LGALS4: variants seen among roughly 807,000 people sequenced by gnomAD.
LGALS4 encodes the protein galectin 4.
A neutral mutation model predicts 39.6 loss-of-function variants in LGALS4; 37 were observed. The observed-to-expected ratio is 0.93, with a 90% CI of 0.72 to 1.23. The LOEUF is 1.23. Ranked by LOEUF, LGALS4 falls within the 50% of genes most tolerant of loss-of-function variation. The probability of loss-of-function intolerance (pLI) is 0.00; values close to 1 mark genes in which losing one functional copy is unlikely to be tolerated. For missense variants in LGALS4, 397 were observed against 433.2 expected, an observed-to-expected ratio of 0.92 and a Z score of 0.74; for synonymous variants, 160 against 165.5, an observed-to-expected ratio of 0.97 and a Z score of 0.25.
chr19:38,803,963 G>A, intron 4 of LGALS4, 68 bp from the exon 5 acceptor site: 1 of 1,536,064 alleles, frequency 6.5e-7, no homozygotes, highest in Non-Finnish European at 8.8e-7. Flanking sequence ...GATGTCGAGA[G>A]TGCCTGCCCT....
chr19:38,802,530 T>C (rs1256129365), intron 7 of LGALS4, 126 bp from the exon 8 acceptor site: 1 of 696,830 alleles, frequency 1.4e-6, no homozygotes, highest in Non-Finnish European at 2.5e-6. Flanking sequence ...GGTCTTACTC[T>C]GTCACCCAGG....
At chr19:38,806,030 C>T (rs1971417667) in intron 4 of LGALS4, among the ~76,000 whole-genome samples, 1 of 151,956 alleles carries the variant, frequency 6.6e-6, no homozygotes, top group South Asian at 2.1e-4. Flanking sequence ...CAGAATCACA[C>T]CACTGTACTC....
chr19:38,802,380 G>T lies in LGALS4; in HGVS notation c.595C>A (p.Gln199Lys), dbSNP rs758791990. 6.2e-7 allele frequency: 1 copy of T among 1,614,176 alleles called. No homozygotes were observed. Among genetic ancestry groups the T allele is most frequent in the East Asian group, 2.2e-5 (1 of 44,888 alleles). The change falls in exon 8 of 10, where the codon CAA becomes AAA. Residue 199 changes from glutamine (Q) to lysine (K), a missense_variant. Physicochemically the swap from Gln to Lys is moderately conservative, Grantham distance 53. Transcript: ENST00000307751. Reference protein sequence around the residue: ...NPPVPYFGRLQGGLTARRTII... With the variant: ...NPPVPYFGRLKGGLTARRTII... ...GTTCTTCGAGCTGTGAGCCCTCCTT[G>T]CAGCCTCCCGAAATATGGCACAGGC... is the stretch of plus-strand genomic sequence containing the variant.
chr19:38,809,868 G>A (rs1971472423), intron 2 of LGALS4, among the ~76,000 whole-genome samples: 1 of 151,982 alleles, frequency 6.6e-6, no homozygotes, highest in Admixed American at 6.6e-5. Context: ...CCACGGGCCA[G>A]GCCCTGTCCT....
intron 4 of LGALS4, among the ~76,000 whole-genome samples, chr19:38,804,609 T>C (rs1347936541): frequency 1.3e-5 from 2 of 152,100 alleles, no homozygotes; most frequent in Admixed American, 1.3e-4. Context: ...TCCTTGTAAT[T>C]AACTCCATTC....
rs144216253 is a variant in LGALS4 at position 38,804,677 on chromosome 19, A to G, written c.475-782T>C. Among the ~76,000 whole-genome samples, 625 of 152,102 alleles carry G rather than the reference A, an allele frequency of 4.1e-3. 2 individuals carry two copies. The highest frequency in any genetic ancestry group is 0.014 in the African/African-American group (591 of 41,498). ...GAAGGCCTTTTAAAAGTAGCTTTATATAGCCGGGCGTGGTGGCAGGTGCCT... is the reference window on the plus strand; with the variant it reads ...GAAGGCCTTTTAAAAGTAGCTTTATGTAGCCGGGCGTGGTGGCAGGTGCCT... On this transcript the variant is annotated intron_variant, in intron 4 of 9. Transcript: ENST00000307751.
chr19:38,810,935 CTTG>C (rs1285512398), intron 2 of LGALS4, among the ~76,000 whole-genome samples: 1 of 139,232 alleles, frequency 7.2e-6, no homozygotes, highest in African/African-American at 2.7e-5. Flanking sequence ...GAGTCTCACT[CTTG>C]TTGCCCAGGC....
rs762975509 is a variant in LGALS4 at position 38,801,785 on chromosome 19, G to A, written c.951C>T (p.Thr317=). The change falls in exon 10 of 10, where the codon ACC becomes ACT. Residue 317 remains threonine (T), a synonymous_variant. Coordinates refer to ENST00000307751, the MANE Select transcript of LGALS4 (RefSeq NM_006149.4). ...TAGATTAGATCTGGACATAGGACAA[G>A]GTGACATCACCCTGGATTTCCAATG... ...VDTLEIQGDV[T]LSYVQI is the part of the protein sequence containing the mutation. The A allele has an allele frequency of 3.7e-6, 6 of 1,614,196 alleles. No homozygotes were observed. Among genetic ancestry groups the A allele is most frequent in the South Asian group, 1.1e-5 (1 of 91,082 alleles).
chr19:38,802,506 C>CTT, intron 7 of LGALS4, 102 bp from the exon 8 acceptor site: 1 of 882,730 alleles, frequency 1.1e-6, no homozygotes, highest in Non-Finnish European at 1.8e-6. Context: ...GTCTTTTTTT[C>CTT]TTATAAGAGA....
At chr19:38,801,947 G>C (rs369813600) in intron 9 of LGALS4, 37 bp from the exon 10 acceptor site, 1 of 1,613,822 alleles carries the variant, frequency 6.2e-7, no homozygotes, top group African/African-American at 1.3e-5. Context: ...CCAGGGCCAG[G>C]ACTGAGGCCC....
intron 3 of LGALS4, 34 bp downstream of exon 3, chr19:38,808,710 C>A (rs758529607): frequency 6.3e-7 from 1 of 1,586,538 alleles, no homozygotes; most frequent in African/African-American, 1.3e-5. Context: ...CCACTGCACT[C>A]CAGCTTGGGA....
chr19:38,802,039 C>A lies in LGALS4; in HGVS notation c.778G>T (p.Glu260Ter). Residue 260 changes from glutamate to a stop codon, truncating the protein, a stop_gained, in exon 9 of 10, where the codon GAG (glutamate) becomes TAG (stop). Transcript: ENST00000307751. LOFTEE classifies it low-confidence loss of function (END_TRUNC). ...SLLNGSWGSE[E>*]KKITHNPFGP... Reference sequence around the variant, plus strand: ...AATGGGTTGTGGGTGATCTTCTTCTCCTCGGATCCCCACGAGCCATTCAGA... The same window carrying A: ...AATGGGTTGTGGGTGATCTTCTTCTACTCGGATCCCCACGAGCCATTCAGA... 1 of 1,614,218 alleles carries A rather than the reference C, an allele frequency of 6.2e-7. No homozygotes were observed. The highest frequency in any genetic ancestry group is 8.5e-7 in the Non-Finnish European group (1 of 1,180,026).
intron 6 of LGALS4, 95 bp from the exon 7 acceptor site, chr19:38,803,646 T>C: frequency 6.3e-7 from 1 of 1,592,446 alleles, no homozygotes; most frequent in Non-Finnish European, 8.6e-7. Flanking sequence ...GGTGCTGGGT[T>C]AGTACACCTT....
chr19:38,805,728 C>A (rs1317343292), intron 4 of LGALS4, among the ~76,000 whole-genome samples: 1 of 152,108 alleles, frequency 6.6e-6, no homozygotes, highest in East Asian at 1.9e-4. Context: ...CCTTGATCAT[C>A]ACTGGGCTCT....
At position 38,802,489 on chromosome 19, in the gene LGALS4, C is replaced by G. The variant is rs111291316; in HGVS notation, c.571-85G>C. 2.2e-3 allele frequency: 2,239 copies of G among 1,037,150 alleles called. 1 individual carries two copies. The highest frequency in any genetic ancestry group is 2.9e-3 in the Non-Finnish European group (1,942 of 671,838). The allele number at this position is 1,037,150 out of a possible 1,614,324, so 64.2% of individuals were successfully genotyped here. On this transcript the variant is annotated intron_variant, in intron 7 of 9. Transcript: ENST00000307751. ...AGAAATTTTCTTTTTCTTTTCTTTT[C>G]TTTCCTGTCTTTTTTTCTTATAAGA...
intron 2 of LGALS4, among the ~76,000 whole-genome samples, chr19:38,811,584 G>A (rs1971494102): frequency 6.6e-6 from 1 of 152,132 alleles, no homozygotes; most frequent in Middle Eastern, 3.4e-3. Flanking sequence ...CTTTAGCCCA[G>A]GAGTTGGAGG....
intron 1 of LGALS4, 31 bp downstream of exon 1, chr19:38,812,811 G>A (rs779485942): frequency 5.6e-6 from 9 of 1,607,728 alleles, no homozygotes; most frequent in East Asian, 2.2e-5. Context: ...ACGGAGCTGC[G>A]GGCGGAGTGG....
rs985583413 is a variant in LGALS4, at chr19:38,801,828, G to A, written c.908C>T (p.Ala303Val). 1 of 1,614,206 alleles carries A rather than the reference G, an allele frequency of 6.2e-7. No homozygotes were observed. Among genetic ancestry groups the A allele is most frequent in the Non-Finnish European group, 8.5e-7 (1 of 1,180,024 alleles). ...TTCCAATGTGTCCACCCTCTGGAAGGCCGAGAGGCGATGGGCAAAGTCAAA... is the reference window on the plus strand; with the variant it reads ...TTCCAATGTGTCCACCCTCTGGAAGACCGAGAGGCGATGGGCAAAGTCAAA... ...HLFDFAHRLS[A>V]FQRVDTLEIQ... The change falls in exon 10 of 10, where the codon GCC (alanine) becomes GTC (valine). Residue 303 changes from alanine (A) to valine (V), a missense_variant. Physicochemically the swap from Ala to Val is moderately conservative, Grantham distance 64. Coordinates refer to ENST00000307751, the MANE Select transcript of LGALS4 (RefSeq NM_006149.4).
intron 7 of LGALS4, chr19:38,803,117 C>T (rs956550506): frequency 2.2e-5 from 4 of 183,906 alleles, no homozygotes; most frequent in South Asian, 1.1e-4. Context: ...CTGGTTCAAG[C>T]GATTCTCCTG....
Sources: gnomAD v4.1 joint callset for allele counts (sites outside exome capture counted in the v4.1 genomes callset) on GRCh38, gnomAD v4.1.1 for gene constraint, MANE v1.5 for transcripts, NCBI Gene and HGNC (gene_info 2026-07-23, HGNC 2026-07-21) for gene names.